The following PDE3A variants were observed in gnomAD, a reference collection of about 807,000 sequenced individuals.
PDE3A encodes the protein cGMP-inhibited 3',5'-cyclic phosphodiesterase 3A.
In PDE3A, 43 loss-of-function variants were observed where a neutral mutation model predicts 98.3. The observed-to-expected ratio is 0.44, with a 90% confidence interval of 0.34 to 0.56. The LOEUF is 0.56. Ranked by LOEUF, PDE3A falls within the 20% of genes least tolerant of loss-of-function variation. The probability of loss-of-function intolerance (pLI) is 0.01; values close to 1 mark genes in which losing one functional copy is unlikely to be tolerated. For missense variants in PDE3A, 1,427 were observed against 1,440.7 expected (o/e 0.99, Z 0.15); for synonymous variants, 663 against 567.9 (o/e 1.17, Z -2.38).
At chr12:20,460,125 C>T (rs1291125270) in intron 1 of PDE3A, among the ~76,000 whole-genome samples, 1 of 152,200 alleles carries the variant, frequency 6.6e-6, no homozygotes, top group African/African-American at 2.4e-5. Flanking sequence ...AAAAAATAGC[C>T]TATACTTCTT....
chr12:20,458,765 A>G (rs1245191178), intron 1 of PDE3A, among the ~76,000 whole-genome samples: 2 of 152,188 alleles, frequency 1.3e-5, no homozygotes, highest in Non-Finnish European at 2.9e-5. Context: ...TCAGAAACAC[A>G]GAGCTATTCC....
intron 2 of PDE3A, among the ~76,000 whole-genome samples, chr12:20,597,412 G>C (rs1395317764): frequency 6.6e-6 from 1 of 152,120 alleles, no homozygotes; most frequent in Non-Finnish European, 1.5e-5. Flanking sequence ...TGAGGGAAAT[G>C]CTATATTATA....
intron 1 of PDE3A, among the ~76,000 whole-genome samples, chr12:20,386,104 T>TATATCA (rs1943776668): frequency 1.3e-5 from 1 of 75,896 alleles, no homozygotes; most frequent in South Asian, 3.2e-4. Flanking sequence ...TATATAAATA[T>TATATCA]ATATATAAAT....
intron 2 of PDE3A, among the ~76,000 whole-genome samples, chr12:20,586,136 G>A (rs992213720): frequency 2.0e-4 from 30 of 152,260 alleles, no homozygotes; most frequent in African/African-American, 6.7e-4. Flanking sequence ...TGTGTAAAGG[G>A]AACATGTTCC....
At chr12:20,547,617 G>A (rs1047432453) in intron 1 of PDE3A, among the ~76,000 whole-genome samples, 14 of 151,912 alleles carry the variant, frequency 9.2e-5, no homozygotes, top group Admixed American at 7.9e-4. Context: ...ACTTTCCATC[G>A]TTATCCTCTT....
chr12:20,462,205 T>A (rs1260908213), intron 1 of PDE3A, among the ~76,000 whole-genome samples: 2 of 152,162 alleles, frequency 1.3e-5, no homozygotes, highest in Non-Finnish European at 2.9e-5. Context: ...ATTGAACTAC[T>A]AGAGGCCAGG....
chr12:20,392,549 AAAT>A (rs374356599), intron 1 of PDE3A, among the ~76,000 whole-genome samples: 3,031 of 141,902 alleles, frequency 0.021, 104 homozygotes, highest in African/African-American at 0.074. Context: ...ATAAATAAAT[AAAT>A]AAATAAAATC....
Position 20,375,515 on chromosome 12 carries a change from C to T in PDE3A, c.960+5271C>T, listed in dbSNP as rs192093866. ...AGAGGAAGATGTGTTGTATGACAAT[C>T]GTAAAAAATATTAGTTGACCATACC... On this transcript the variant is annotated intron_variant, in intron 1 of 15. Coordinates refer to ENST00000359062, the MANE Select transcript of PDE3A (RefSeq NM_000921.5). 3.5e-3 allele frequency among the ~76,000 whole-genome samples: 530 copies of T among 151,876 alleles called. 3 individuals are homozygous for T. The highest frequency in any genetic ancestry group is 4.7e-3 in the Non-Finnish European group (319 of 67,800).
At chr12:20,446,832 A>G (rs1443875825) in intron 1 of PDE3A, among the ~76,000 whole-genome samples, 1 of 152,150 alleles carries the variant, frequency 6.6e-6, no homozygotes, top group Non-Finnish European at 1.5e-5. Flanking sequence ...AAACTGATAA[A>G]GGGGCGATTG....
At chr12:20,385,179 C>A (rs1395750783) in intron 1 of PDE3A, among the ~76,000 whole-genome samples, 1 of 151,988 alleles carries the variant, frequency 6.6e-6, no homozygotes, top group African/African-American at 2.4e-5. Context: ...TTCTCCACAG[C>A]CTCACCAGCA....
chr12:20,451,129 T>A (rs1160251507), intron 1 of PDE3A, among the ~76,000 whole-genome samples: 1 of 152,198 alleles, frequency 6.6e-6, no homozygotes, highest in African/African-American at 2.4e-5. Flanking sequence ...CCTTGATCAC[T>A]TGCAAAAGGC....
At chr12:20,532,922 C>T (rs376646670) in intron 1 of PDE3A, among the ~76,000 whole-genome samples, 2 of 152,142 alleles carry the variant, frequency 1.3e-5, no homozygotes, top group East Asian at 1.9e-4. Flanking sequence ...GTGATCCGCC[C>T]GCCTCGGCCT....
intron 2 of PDE3A, among the ~76,000 whole-genome samples, chr12:20,602,691 ACATAT>A (rs1332795930): frequency 6.6e-6 from 1 of 152,036 alleles, no homozygotes; most frequent in Non-Finnish European, 1.5e-5. Context: ...TACTGTACAT[ACATAT>A]TATCTTAAGG....
At chr12:20,439,663 T>A (rs1389640361) in intron 1 of PDE3A, among the ~76,000 whole-genome samples, 1 of 152,226 alleles carries the variant, frequency 6.6e-6, no homozygotes. Context: ...TGCATATTTC[T>A]GTCTTTACCT....
chr12:20,382,738 C>T (rs942697132), intron 1 of PDE3A, among the ~76,000 whole-genome samples: 1 of 151,890 alleles, frequency 6.6e-6, no homozygotes, highest in Admixed American at 6.6e-5. Context: ...GATTTCTTAA[C>T]GTTGCAAAGG....
chr12:20,508,160 T>G (rs1486537997), intron 1 of PDE3A, among the ~76,000 whole-genome samples: 1 of 152,030 alleles, frequency 6.6e-6, no homozygotes, highest in African/African-American at 2.4e-5. Context: ...CTGTTTTCTT[T>G]GCCTGGACCA....
At chr12:20,570,586 T>C (rs1942782007) in intron 2 of PDE3A, among the ~76,000 whole-genome samples, 1 of 152,102 alleles carries the variant, frequency 6.6e-6, no homozygotes, top group Non-Finnish European at 1.5e-5. Context: ...AATAAGGCAG[T>C]GGTTTTCCTA....
intron 1 of PDE3A, among the ~76,000 whole-genome samples, chr12:20,506,198 A>G (rs1946115905): frequency 6.6e-6 from 1 of 151,880 alleles, no homozygotes; most frequent in Admixed American, 6.6e-5. Context: ...ATGCTAAGTC[A>G]GTGTTTATTC....
At chr12:20,500,167 T>C (rs1015322744) in intron 1 of PDE3A, among the ~76,000 whole-genome samples, 4 of 152,178 alleles carry the variant, frequency 2.6e-5, no homozygotes, top group Non-Finnish European at 4.4e-5. Context: ...TATGAGAATA[T>C]TTAAATCAAA....
Sources: gnomAD v4.1 joint callset for allele counts (sites outside exome capture counted in the v4.1 genomes callset) on GRCh38, gnomAD v4.1.1 for gene constraint, MANE v1.5 for transcripts, NCBI Gene and HGNC (gene_info 2026-07-23, HGNC 2026-07-21) for gene names.